The following MDM2 variants were observed in gnomAD, a reference collection of about 807,000 sequenced individuals.
MDM2 encodes the protein MDM2 proto-oncogene, also known as E3 ubiquitin-protein ligase Mdm2.
Under a neutral mutation model 64.3 loss-of-function variants are expected in MDM2, and 11 were observed. The ratio of observed to expected loss-of-function variants is 0.17; its 90% CI spans 0.11 to 0.28. The LOEUF (loss-of-function observed/expected upper bound fraction) is 0.28, where lower values mean the gene tolerates loss of function less well. Among genes scored for constraint, MDM2 ranks in the 10% least tolerant of loss-of-function variants. The pLI is 1.00. For missense variants in MDM2, 388 were observed against 577.1 expected (o/e 0.67, Z 3.36); for synonymous variants, 194 against 192.9 (o/e 1.01, Z -0.05).
At chr12:68,820,133 G>A (rs1332092741) in intron 4 of MDM2, among the ~76,000 whole-genome samples, 192 bp from the exon 5 acceptor site, 1 of 152,136 alleles carries the variant, frequency 6.6e-6, no homozygotes, top group East Asian at 1.9e-4. Flanking sequence ...AAAAGTAGCT[G>A]TACATAATCA....
chr12:68,847,794 G>A (rs1884436905), downstream of MDM2: 1 of 152,180 alleles, frequency 6.6e-6, no homozygotes, highest in South Asian at 2.1e-4. Context: ...TGTGTATACA[G>A]TAGTAAAGGA....
At chr12:68,822,250 GTTGAA>G (rs969468571) in intron 5 of MDM2, among the ~76,000 whole-genome samples, 4 of 152,148 alleles carry the variant, frequency 2.6e-5, no homozygotes, top group African/African-American at 7.2e-5. Flanking sequence ...TAATAAATGT[GTTGAA>G]TTGAATACTT....
chr12:68,811,447 C>T (rs1334481385), intron 2 of MDM2, among the ~76,000 whole-genome samples: 1 of 151,972 alleles, frequency 6.6e-6, no homozygotes, highest in Non-Finnish European at 1.5e-5. Flanking sequence ...ATATTTTCTT[C>T]TAGATTTAAA....
chr12:68,817,143 C>G (rs536895321), intron 4 of MDM2, 198 bp downstream of exon 4: 4 of 517,586 alleles, frequency 7.7e-6, no homozygotes, highest in Admixed American at 8.6e-5. Context: ...GAAACCTAGC[C>G]CAATCATTTA....
chr12:68,823,201 C>T (rs372164995), intron 5 of MDM2, among the ~76,000 whole-genome samples: 37 of 152,200 alleles, frequency 2.4e-4, no homozygotes, highest in African/African-American at 8.7e-4. Flanking sequence ...TGCATAATTT[C>T]AAAATGTTAA....
intron 8 of MDM2, 91 bp from the exon 9 acceptor site, chr12:68,835,738 G>A: frequency 8.1e-7 from 1 of 1,241,304 alleles, no homozygotes; most frequent in South Asian, 1.6e-5. Flanking sequence ...CACCCTGCTG[G>A]CAGCAGCAGA....
intron 2 of MDM2, among the ~76,000 whole-genome samples, chr12:68,810,087 C>T (rs543242081): frequency 6.6e-6 from 1 of 151,982 alleles, no homozygotes; most frequent in South Asian, 2.1e-4. Flanking sequence ...CAAGGCGGAC[C>T]GATCACCTGA....
rs1043482753 is a variant in MDM2 at position 68,844,616 on chromosome 12, T to C, written c.*4767T>C. The C allele has an allele frequency of 8.8e-6, 2 of 227,250 alleles. No homozygotes were observed. Among genetic ancestry groups the C allele is most frequent in the African/African-American group, 2.2e-5 (1 of 44,914 alleles). 14.1% of individuals were successfully genotyped at this position (227,250 alleles called of 1,614,324 possible). Reference sequence around the variant, plus strand: ...TGAAAGTTCCACCAAGCTGGGAACCTCTTGATTGTGAGGCACAAATGTAAG... The same window carrying C: ...TGAAAGTTCCACCAAGCTGGGAACCCCTTGATTGTGAGGCACAAATGTAAG... On this transcript the variant is annotated 3_prime_UTR_variant, in exon 11 of 11. Transcript: ENST00000258149.
At chr12:68,810,736 C>T (rs1042035084) in intron 2 of MDM2, among the ~76,000 whole-genome samples, 2 of 152,102 alleles carry the variant, frequency 1.3e-5, no homozygotes, top group Non-Finnish European at 2.9e-5. Context: ...GCTGGGATTA[C>T]AGGCGTGAGT....
chr12:68,829,622 C>G (rs865934454), intron 8 of MDM2, among the ~76,000 whole-genome samples: 2 of 152,026 alleles, frequency 1.3e-5, no homozygotes, highest in Non-Finnish European at 2.9e-5. Context: ...AAAAATTAGC[C>G]AGGCGTGGTG....
chr12:68,838,297 G>A (rs1555188422), intron 10 of MDM2, among the ~76,000 whole-genome samples: 1 of 152,192 alleles, frequency 6.6e-6, no homozygotes, highest in Non-Finnish European at 1.5e-5. Flanking sequence ...GCTAAGGCAA[G>A]AAGATAGGTT....
chr12:68,838,932 A>G (rs567227090), intron 10 of MDM2, among the ~76,000 whole-genome samples: 33 of 150,760 alleles, frequency 2.2e-4, no homozygotes, highest in African/African-American at 6.2e-4. Flanking sequence ...TTTTGTGTAT[A>G]ATTGAGACAT....
At chr12:68,835,385 T>C (rs1173114646) in intron 8 of MDM2, among the ~76,000 whole-genome samples, 2 of 152,132 alleles carry the variant, frequency 1.3e-5, no homozygotes, top group South Asian at 4.1e-4. Context: ...CCAAGATTAG[T>C]TGAGGAAGCA....
intron 8 of MDM2, among the ~76,000 whole-genome samples, chr12:68,834,631 G>T (rs1883163091): frequency 6.6e-6 from 1 of 152,080 alleles, no homozygotes; most frequent in South Asian, 2.1e-4. Flanking sequence ...CAGCTACTTG[G>T]GAGGCTGAGG....
chr12:68,826,668 A>G (rs1882360536), intron 7 of MDM2, among the ~76,000 whole-genome samples: 1 of 151,106 alleles, frequency 6.6e-6, no homozygotes, highest in Admixed American at 6.6e-5. Context: ...AAAAAAAGAA[A>G]AGAAAAAAAA....
At chr12:68,827,318 TACTC>T (rs1029906835) in intron 7 of MDM2, among the ~76,000 whole-genome samples, 3 of 152,354 alleles carry the variant, frequency 2.0e-5, no homozygotes, top group South Asian at 2.1e-4. Context: ...TTTTTTCTAT[TACTC>T]AAGTACATGA....
downstream of MDM2, chr12:68,845,768 G>GTTTGT (rs1347188962): frequency 6.4e-6 from 1 of 155,766 alleles, no homozygotes; most frequent in Non-Finnish European, 1.4e-5. Flanking sequence ...TTCACCTTTT[G>GTTTGT]TTTGTTTTGT....
intron 8 of MDM2, among the ~76,000 whole-genome samples, chr12:68,832,105 A>G (rs577265341): frequency 6.6e-6 from 1 of 152,330 alleles, no homozygotes; most frequent in South Asian, 2.1e-4. Context: ...TTTCAGGTTA[A>G]GTCCCTAGTT....
At position 68,845,091 on chromosome 12, in the gene MDM2, A is replaced by T. The variant is rs934375111; in HGVS notation, c.*5242A>T. On this transcript the variant is annotated 3_prime_UTR_variant, in exon 11 of 11. Transcript: ENST00000258149. ...CCTAATAAGGGTTTTAAAGATAATTAGTGTGTAGGTCTGTAGGCTTATGAT... is the reference window on the plus strand; with the variant it reads ...CCTAATAAGGGTTTTAAAGATAATTTGTGTGTAGGTCTGTAGGCTTATGAT... 1.9e-4 allele frequency: 41 copies of T among 219,614 alleles called. No individual in the cohort carries two copies. The highest frequency in any genetic ancestry group is 6.4e-4 in the Admixed American group (11 of 17,310). 13.6% of individuals were successfully genotyped at this position (219,614 alleles called of 1,614,324 possible).
Sources: allele counts gnomAD v4.1 joint callset (sites outside exome capture counted in the v4.1 genomes callset), GRCh38; gene constraint gnomAD v4.1.1; transcripts MANE v1.5; gene names NCBI Gene and HGNC (gene_info 2026-07-23, HGNC 2026-07-21).